The following COL21A1 variants were observed in gnomAD, a reference collection of about 807,000 sequenced individuals.
COL21A1 encodes collagen alpha-1(XXI) chain.
In COL21A1, 149 loss-of-function variants were observed where a neutral mutation model predicts 137.9. The ratio of observed to expected loss-of-function variants is 1.08; its 90% CI spans 0.95 to 1.24. COL21A1 has a LOEUF of 1.24. Among genes scored for constraint, COL21A1 ranks in the 50% most tolerant of loss-of-function variants. COL21A1 has a pLI of 0.00. For missense variants in COL21A1, 1,167 were observed against 1,158.4 expected, an observed-to-expected ratio of 1.01 and a Z score of -0.11; for synonymous variants, 456 against 391.5, an observed-to-expected ratio of 1.16 and a Z score of -1.95.
At chr6:56,125,089 T>C (rs1257743696) in intron 14 of COL21A1, among the ~76,000 whole-genome samples, 2 of 138,574 alleles carry the variant, frequency 1.4e-5, no homozygotes, top group Non-Finnish European at 3.1e-5. Context: ...GGCGTGATCT[T>C]GGCTCTCTGC....
intron 1 of COL21A1, among the ~76,000 whole-genome samples, chr6:56,206,693 AATAAATATATATATATATATAT>A (rs1238308742): frequency 0.064 from 8,157 of 127,868 alleles, 472 homozygotes; most frequent in African/African-American, 0.13. Context: ...TAAATAAATA[AATAAATATATATATATATATAT>A]ATATATATAT....
chr6:56,207,178 A>G (rs1241980170), intron 1 of COL21A1, among the ~76,000 whole-genome samples: 3 of 152,166 alleles, frequency 2.0e-5, no homozygotes, highest in Non-Finnish European at 4.4e-5. Context: ...AAGATAAGAA[A>G]TAACTAAGAT....
At chr6:56,126,230 C>G in intron 12 of COL21A1, 81 bp from the exon 13 acceptor site, 3 of 880,784 alleles carry the variant, frequency 3.4e-6, no homozygotes, top group Admixed American at 5.0e-5. Context: ...CAACCTCACC[C>G]TTGTCAAAAT....
chr6:56,123,390 CT>C (rs1474363952), intron 16 of COL21A1, among the ~76,000 whole-genome samples: 1 of 152,102 alleles, frequency 6.6e-6, no homozygotes, highest in Non-Finnish European at 1.5e-5. Context: ...ATAATTTTTC[CT>C]TTGGAAAACA....
chr6:56,382,257 A>G (rs776693216), intron 1 of COL21A1, among the ~76,000 whole-genome samples: 1 of 152,200 alleles, frequency 6.6e-6, no homozygotes, highest in Non-Finnish European at 1.5e-5. Flanking sequence ...CTAGTTCACC[A>G]TTGGTTATTA....
intron 12 of COL21A1, among the ~76,000 whole-genome samples, chr6:56,130,642 C>A (rs1773486869): frequency 6.7e-6 from 1 of 149,666 alleles, no homozygotes. Flanking sequence ...TAGGAACATC[C>A]ACTCATGTTG....
intron 24 of COL21A1, 123 bp downstream of exon 24, chr6:56,064,455 T>A: frequency 1.6e-6 from 1 of 638,978 alleles, no homozygotes; most frequent in East Asian, 2.8e-5. Context: ...CCTTATATGC[T>A]TAGAATGCAT....
At position 56,060,884 on chromosome 6, in the gene COL21A1, T is replaced by C; in HGVS notation, c.2352+7A>G. On this transcript the variant is annotated splice_region_variant and intron_variant, in intron 26 of 29. Transcript: ENST00000244728. ...TGTAATAACTGTGAAAGAAGCAGAATACATACGGGCTTCCCATCCAAACCT... is the reference window on the plus strand; with the variant it reads ...TGTAATAACTGTGAAAGAAGCAGAACACATACGGGCTTCCCATCCAAACCT... The C allele has an allele frequency of 6.3e-7, 1 of 1,582,706 alleles. No homozygotes were observed. Among genetic ancestry groups the C allele is most frequent in the South Asian group, 1.2e-5 (1 of 85,684 alleles).
rs995806110 is a variant in COL21A1 at position 56,293,836 on chromosome 6, G to A, written c.-39+100135C>T. Among the ~76,000 whole-genome samples the A allele has an allele frequency of 7.9e-5, 12 of 152,076 alleles. No individual in the cohort carries two copies. In the East Asian group the frequency reaches 2.3e-3, roughly 29 times the overall value. Reference sequence around the variant, plus strand: ...GTCCCATGAAAATTTCCAAACAGTTGGCTAATTATGCAAAATGCATTCAGC... The same window carrying A: ...GTCCCATGAAAATTTCCAAACAGTTAGCTAATTATGCAAAATGCATTCAGC... On this transcript the variant is annotated intron_variant, in intron 1 of 28. Transcript: ENST00000370819.
chr6:56,250,062 T>A (rs907504762), upstream of COL21A1, among the ~76,000 whole-genome samples: 1 of 152,230 alleles, frequency 6.6e-6, no homozygotes, highest in Non-Finnish European at 1.5e-5. Flanking sequence ...CTAAGTGAAT[T>A]CACAATTTTT....
intron 1 of COL21A1, among the ~76,000 whole-genome samples, chr6:56,236,693 T>C (rs1781926124): frequency 6.6e-6 from 1 of 152,060 alleles, no homozygotes; most frequent in South Asian, 2.1e-4. Context: ...AGTATTAGTT[T>C]GCTTTCTAAA....
chr6:56,370,146 A>C (rs1766198454), intron 1 of COL21A1, among the ~76,000 whole-genome samples: 1 of 152,198 alleles, frequency 6.6e-6, no homozygotes, highest in African/African-American at 2.4e-5. Flanking sequence ...TCAAAAAAAC[A>C]GAAAAGGTCA....
intron 1 of COL21A1, among the ~76,000 whole-genome samples, chr6:56,333,415 T>A (rs181150107): frequency 1.5e-3 from 231 of 152,150 alleles, no homozygotes; most frequent in African/African-American, 5.4e-3. Flanking sequence ...TGGATTCCTC[T>A]GATCAGCATA....
At chr6:56,347,726 C>T (rs1317982325) in intron 1 of COL21A1, among the ~76,000 whole-genome samples, 1 of 151,882 alleles carries the variant, frequency 6.6e-6, no homozygotes, top group Non-Finnish European at 1.5e-5. Flanking sequence ...TAAAGGGAAG[C>T]TTTTGGGATT....
intron 2 of COL21A1, 108 bp downstream of exon 2, chr6:56,182,423 T>C (rs963757565): frequency 8.5e-6 from 6 of 705,960 alleles, no homozygotes; most frequent in Non-Finnish European, 1.5e-5. Context: ...AGTTACAGAA[T>C]CAAAGACAGT....
At chr6:56,366,694 A>C (rs1766109361) in intron 1 of COL21A1, among the ~76,000 whole-genome samples, 1 of 152,192 alleles carries the variant, frequency 6.6e-6, no homozygotes, top group African/African-American at 2.4e-5. Flanking sequence ...TTTGGTCTGA[A>C]CTGCAGGCCA....
chr6:56,235,656 G>C (rs1156800640), intron 1 of COL21A1, among the ~76,000 whole-genome samples: 2 of 151,900 alleles, frequency 1.3e-5, no homozygotes, highest in Non-Finnish European at 2.9e-5. Context: ...AATAACACCT[G>C]ATGTCAGCCT....
intron 16 of COL21A1, among the ~76,000 whole-genome samples, chr6:56,109,722 C>CAAGA (rs1265305145): frequency 6.6e-6 from 1 of 151,722 alleles, no homozygotes; most frequent in Non-Finnish European, 1.5e-5. Flanking sequence ...ATTAAAAGGA[C>CAAGA]AAGAATAAGG....
At chr6:56,249,735 GGAGT>G (rs1374542856), upstream of COL21A1, among the ~76,000 whole-genome samples, 1 of 152,164 alleles carries the variant, frequency 6.6e-6, no homozygotes, top group African/African-American at 2.4e-5. Context: ...GGAAGAAATG[GGAGT>G]GAGTGTTAAT....
Sources: allele counts gnomAD v4.1 joint callset (sites outside exome capture counted in the v4.1 genomes callset), GRCh38; gene constraint gnomAD v4.1.1; transcripts MANE v1.5; gene names NCBI Gene and HGNC (gene_info 2026-07-23, HGNC 2026-07-21).